Variants in PHKB observed in about 807,000 individuals in gnomAD.
PHKB encodes phosphorylase b kinase regulatory subunit beta.
PHKB carries 122 observed loss-of-function variants against 152.1 expected under a neutral mutation model. That is an observed-to-expected ratio of 0.80 (90% CI 0.69 to 0.93). The LOEUF (loss-of-function observed/expected upper bound fraction) is 0.93, where lower values mean the gene tolerates loss of function less well. PHKB is among the 40% of genes least tolerant of loss of function. PHKB has a pLI of 0.00. For synonymous variants in PHKB, 436 were observed against 464.9 expected (o/e 0.94, Z 0.80); for missense variants, 1,304 against 1,328.4 (o/e 0.98, Z 0.29).
chr16:47,633,159 C>T (rs1444011134), intron 14 of PHKB, among the ~76,000 whole-genome samples: 1 of 152,138 alleles, frequency 6.6e-6, no homozygotes, highest in Non-Finnish European at 1.5e-5. Flanking sequence ...CATATTGTTA[C>T]TCTGACATGT....
intron 8 of PHKB, among the ~76,000 whole-genome samples, chr16:47,585,674 T>C (rs1334580932): frequency 1.3e-5 from 2 of 152,216 alleles, no homozygotes; most frequent in African/African-American, 4.8e-5. Context: ...TAAAATATGG[T>C]AACATTATAA....
At chr16:47,684,863 G>A (rs1973934587) in intron 26 of PHKB, among the ~76,000 whole-genome samples, 3 of 152,150 alleles carry the variant, frequency 2.0e-5, no homozygotes, top group African/African-American at 7.2e-5. Flanking sequence ...TGCTTTTCCA[G>A]CAGTCCCAAA....
At chr16:47,588,700 G>A (rs1345237524) in intron 9 of PHKB, among the ~76,000 whole-genome samples, 2 of 152,178 alleles carry the variant, frequency 1.3e-5, no homozygotes, top group Non-Finnish European at 2.9e-5. Flanking sequence ...GTTGAATCTT[G>A]AAAATACTAT....
intron 26 of PHKB, among the ~76,000 whole-genome samples, chr16:47,686,028 C>T (rs1403402805): frequency 6.6e-6 from 1 of 152,234 alleles, no homozygotes; most frequent in African/African-American, 2.4e-5. Flanking sequence ...GCATGAGCCA[C>T]CGTACCCAGC....
At chr16:47,565,145 C>G (rs1971543996) in intron 7 of PHKB, 3 of 541,798 alleles carry the variant, frequency 5.5e-6, no homozygotes, top group Non-Finnish European at 1.1e-5. Flanking sequence ...AGCATACTTG[C>G]TTGCAGAACT....
intron 2 of PHKB, among the ~76,000 whole-genome samples, chr16:47,498,876 C>CCCCA (rs1236909656): frequency 6.6e-6 from 1 of 152,118 alleles, no homozygotes; most frequent in Non-Finnish European, 1.5e-5. Context: ...GCATTCCAGC[C>CCCCA]TGGGTTATAG....
At chr16:47,688,452 G>A (rs1260212210) in intron 26 of PHKB, among the ~76,000 whole-genome samples, 2 of 151,952 alleles carry the variant, frequency 1.3e-5, no homozygotes, top group Non-Finnish European at 2.9e-5. Context: ...GCAACCTATT[G>A]GTTAAAGTAC....
At chr16:47,638,006 C>T (rs1007569560) in intron 14 of PHKB, among the ~76,000 whole-genome samples, 41 of 152,062 alleles carry the variant, frequency 2.7e-4, no homozygotes, top group African/African-American at 8.7e-4. Context: ...ATGAGGGTTC[C>T]GCCCTCATGA....
chr16:47,481,159 G>C (rs1969957369), intron 1 of PHKB, among the ~76,000 whole-genome samples: 1 of 152,072 alleles, frequency 6.6e-6, no homozygotes, highest in Non-Finnish European at 1.5e-5. Flanking sequence ...ACTAGCTTTA[G>C]TTAGGCATGA....
chr16:47,690,569 A>G (rs1974042270), intron 27 of PHKB, among the ~76,000 whole-genome samples: 1 of 152,240 alleles, frequency 6.6e-6, no homozygotes, highest in African/African-American at 2.4e-5. Context: ...GAAAATGGGA[A>G]GAAACATTCT....
At chr16:47,497,104 G>C (rs1439086728) in intron 1 of PHKB, among the ~76,000 whole-genome samples, 2 of 152,150 alleles carry the variant, frequency 1.3e-5, no homozygotes, top group Non-Finnish European at 2.9e-5. Flanking sequence ...TACCACATGA[G>C]TATTAGTGAC....
chr16:47,478,010 TAG>T (rs1357323778), intron 1 of PHKB, among the ~76,000 whole-genome samples: 2 of 152,134 alleles, frequency 1.3e-5, no homozygotes, highest in Non-Finnish European at 2.9e-5. Context: ...TTAAATAAAA[TAG>T]AGAAAAGCTT....
Position 47,648,506 on chromosome 16 carries a change from T to C in PHKB, c.1609-27T>C, listed in dbSNP as rs774304606. ...AAAGTGACATGGATTCTTACCTGAC[T>C]CTAATTTACAAACTTGTGTCTTACA... On this transcript the variant is annotated intron_variant, in intron 16 of 30. Coordinates refer to ENST00000323584, the MANE Select transcript of PHKB (RefSeq NM_000293.3). 9.5e-6 allele frequency: 14 copies of C among 1,472,094 alleles called. No homozygotes were observed. The African/African-American group carries it at 1.7e-4, about 17-fold the overall frequency. The allele number at this position is 1,472,094 out of a possible 1,614,324, so 91.2% of individuals were successfully genotyped here.
At chr16:47,542,730 G>A (rs1235017397) in intron 6 of PHKB, among the ~76,000 whole-genome samples, 1 of 152,126 alleles carries the variant, frequency 6.6e-6, no homozygotes, top group Non-Finnish European at 1.5e-5. Flanking sequence ...CTTGTAAGTT[G>A]GATTCCTGGG....
chr16:47,632,229 A>G (rs1391844868), intron 14 of PHKB, among the ~76,000 whole-genome samples: 1 of 152,212 alleles, frequency 6.6e-6, no homozygotes, highest in African/African-American at 2.4e-5. Flanking sequence ...GTCTACTTTT[A>G]TAAGCAGAAT....
intron 14 of PHKB, among the ~76,000 whole-genome samples, chr16:47,625,990 A>G (rs563210342): frequency 5.9e-5 from 9 of 152,292 alleles, no homozygotes; most frequent in Admixed American, 2.6e-4. Flanking sequence ...TCTCTCTTAT[A>G]TGGTGAGTTC....
intron 6 of PHKB, among the ~76,000 whole-genome samples, chr16:47,533,523 G>T (rs1268047085): frequency 1.3e-5 from 2 of 152,190 alleles, no homozygotes; most frequent in Non-Finnish European, 2.9e-5. Context: ...TCCCTTAGGT[G>T]TTCATCAATG....
At chr16:47,479,866 A>T (rs772446876) in intron 1 of PHKB, among the ~76,000 whole-genome samples, 15 of 152,084 alleles carry the variant, frequency 9.9e-5, no homozygotes, top group African/African-American at 3.4e-4. Flanking sequence ...TTTCACTGGT[A>T]TGGCACTCTG....
chr16:47,681,341 C>T (rs986254745), intron 26 of PHKB, among the ~76,000 whole-genome samples: 4 of 148,466 alleles, frequency 2.7e-5, no homozygotes, highest in Non-Finnish European at 3.0e-5. Context: ...CTTTCTGTCT[C>T]GTTGATCTGT....
Sources: gnomAD v4.1 joint callset for allele counts (sites outside exome capture counted in the v4.1 genomes callset) on GRCh38, gnomAD v4.1.1 for gene constraint, MANE v1.5 for transcripts, NCBI Gene and HGNC (gene_info 2026-07-23, HGNC 2026-07-21) for gene names.